The following LMX1A variants were observed in gnomAD, a reference collection of about 807,000 sequenced individuals.
The protein encoded by LMX1A is LIM homeobox transcription factor 1 alpha, also known as LIM homeobox transcription factor 1-alpha.
A neutral mutation model predicts 49.1 loss-of-function variants in LMX1A; 15 were observed. The observed-to-expected ratio is 0.31, with a 90% CI of 0.20 to 0.47. The LOEUF is 0.47. Among genes scored for constraint, LMX1A ranks in the 20% least tolerant of loss-of-function variants. The pLI is 1.00. For synonymous variants in LMX1A, 167 were observed against 185.7 expected (o/e 0.90, Z 0.82); for missense variants, 372 against 475.8 (o/e 0.78, Z 2.03).
chr1:165,244,693 A>G (rs1410279455), intron 4 of LMX1A, among the ~76,000 whole-genome samples: 1 of 152,082 alleles, frequency 6.6e-6, no homozygotes, highest in East Asian at 1.9e-4. Flanking sequence ...GAGACTGGAT[A>G]AGCATCTGAT....
intron 3 of LMX1A, among the ~76,000 whole-genome samples, chr1:165,318,891 G>T (rs1209131158): frequency 1.3e-5 from 2 of 151,990 alleles, no homozygotes; most frequent in Non-Finnish European, 2.9e-5. Flanking sequence ...TCAGAATCTT[G>T]TAACGTGGAA....
chr1:165,334,962 G>A (rs1189599830), intron 3 of LMX1A, among the ~76,000 whole-genome samples: 1 of 152,188 alleles, frequency 6.6e-6, no homozygotes, highest in Admixed American at 6.5e-5. Flanking sequence ...ATTCCCTGAT[G>A]CAGTAATTCT....
At chr1:165,243,779 T>C (rs6426906) in intron 4 of LMX1A, among the ~76,000 whole-genome samples, 152,117 of 152,362 alleles carry the variant, frequency 1, 75,936 homozygotes, top group Middle Eastern at 1. Flanking sequence ...ACCCCCAGAA[T>C]TGAAGTCAAG....
intron 3 of LMX1A, among the ~76,000 whole-genome samples, chr1:165,319,486 A>C (rs1220562726): frequency 1.3e-5 from 2 of 152,146 alleles, no homozygotes; most frequent in Non-Finnish European, 2.9e-5. Flanking sequence ...AATCTAAGGA[A>C]AAATCCAAGA....
At chr1:165,331,553 T>C (rs1219764793) in intron 3 of LMX1A, among the ~76,000 whole-genome samples, 1 of 152,194 alleles carries the variant, frequency 6.6e-6, no homozygotes. Flanking sequence ...AATAGCTTAA[T>C]GGCAGATTGG....
chr1:165,336,284 A>G (rs1181082531), intron 3 of LMX1A, among the ~76,000 whole-genome samples: 1 of 152,110 alleles, frequency 6.6e-6, no homozygotes, highest in Non-Finnish European at 1.5e-5. Flanking sequence ...AATGTGCCTA[A>G]TTAAAAGTAC....
intron 3 of LMX1A, among the ~76,000 whole-genome samples, chr1:165,273,087 C>T (rs1435096389): frequency 2.0e-5 from 3 of 152,202 alleles, no homozygotes; most frequent in African/African-American, 7.2e-5. Context: ...AAGTGCTCTC[C>T]TGGCTCAGGC....
At chr1:165,344,294 C>A (rs1368289890) in intron 3 of LMX1A, among the ~76,000 whole-genome samples, 1 of 152,210 alleles carries the variant, frequency 6.6e-6, no homozygotes, top group Non-Finnish European at 1.5e-5. Context: ...GCTATGCCTG[C>A]ATCCCTGTGA....
chr1:165,281,157 A>G (rs1234691660), intron 3 of LMX1A, among the ~76,000 whole-genome samples: 1 of 152,150 alleles, frequency 6.6e-6, no homozygotes, highest in Non-Finnish European at 1.5e-5. Flanking sequence ...CTCATTCAGG[A>G]CTGAATAGGA....
chr1:165,285,217 A>G (rs1410427288), intron 3 of LMX1A, among the ~76,000 whole-genome samples: 1 of 152,236 alleles, frequency 6.6e-6, no homozygotes, highest in Admixed American at 6.5e-5. Flanking sequence ...CCCATAGCAC[A>G]CCCAGAAGGA....
At chr1:165,242,935 A>C (rs1388814457) in intron 4 of LMX1A, among the ~76,000 whole-genome samples, 3 of 147,382 alleles carry the variant, frequency 2.0e-5, no homozygotes, top group African/African-American at 7.9e-5. Flanking sequence ...ACCTCAAAAA[A>C]AAAAAAAAAA....
chr1:165,355,127 T>A lies in LMX1A; in HGVS notation c.76+357A>T, dbSNP rs550531823. On this transcript the variant is annotated intron_variant, in intron 2 of 8. Coordinates refer to ENST00000342310, the MANE Select transcript of LMX1A (RefSeq NM_177398.4). The surrounding 1 kb of genome is among the most constrained non-coding windows in gnomAD (Gnocchi z 4.7). ...GCCTCGGGTCTCGGATGCTATTGCCTCTAGGCCGCGAGAAGAGGGCGGCAT... is the reference window on the plus strand; with the variant it reads ...GCCTCGGGTCTCGGATGCTATTGCCACTAGGCCGCGAGAAGAGGGCGGCAT... 4.6e-5 allele frequency among the ~76,000 whole-genome samples: 7 copies of A among 152,164 alleles called. No individual in the cohort carries two copies. The highest frequency in any genetic ancestry group is 3.9e-4 in the Admixed American group (6 of 15,302).
chr1:165,266,694 C>T (rs1053932748), intron 3 of LMX1A, among the ~76,000 whole-genome samples: 21 of 150,566 alleles, frequency 1.4e-4, no homozygotes, highest in African/African-American at 4.4e-4. Flanking sequence ...CTCCGCCTCC[C>T]GGGTTCACGC....
intron 3 of LMX1A, among the ~76,000 whole-genome samples, chr1:165,339,691 A>C (rs542989180): frequency 6.6e-6 from 1 of 152,310 alleles, no homozygotes; most frequent in South Asian, 2.1e-4. Flanking sequence ...CCTGTACTGC[A>C]GTGATCAGTT....
At chr1:165,351,428 A>G (rs1656423510) in intron 3 of LMX1A, among the ~76,000 whole-genome samples, 1 of 152,218 alleles carries the variant, frequency 6.6e-6, no homozygotes, top group Admixed American at 6.5e-5. Flanking sequence ...CTACCTAAAA[A>G]TTACACTTTT....
chr1:165,235,446 C>CCCCA (rs1428546207), intron 4 of LMX1A, among the ~76,000 whole-genome samples: 2 of 152,070 alleles, frequency 1.3e-5, no homozygotes, highest in East Asian at 3.9e-4. Context: ...ACAAATAAAT[C>CCCCA]CCCAGCACCT....
chr1:165,320,377 GA>G (rs1655350193), intron 3 of LMX1A, among the ~76,000 whole-genome samples: 1 of 152,190 alleles, frequency 6.6e-6, no homozygotes. Flanking sequence ...TGTTAGCTAA[GA>G]CACTAAGCAC....
chr1:165,341,548 A>G (rs1452413841), intron 3 of LMX1A, among the ~76,000 whole-genome samples: 1 of 151,526 alleles, frequency 6.6e-6, no homozygotes, highest in African/African-American at 2.4e-5. Context: ...GTCTTCCTTC[A>G]TAGAGCTTAT....
intron 4 of LMX1A, among the ~76,000 whole-genome samples, chr1:165,243,296 G>C (rs575547788): frequency 6.6e-6 from 1 of 152,194 alleles, no homozygotes; most frequent in Non-Finnish European, 1.5e-5. Flanking sequence ...AAGAGGGGTA[G>C]ATAAGTAAGA....
Sources: gnomAD v4.1 joint callset for allele counts (sites outside exome capture counted in the v4.1 genomes callset) on GRCh38, gnomAD v4.1.1 for gene constraint, Gnocchi (gnomAD v3.1) non-coding constraint, MANE v1.5 for transcripts, NCBI Gene and HGNC (gene_info 2026-07-23, HGNC 2026-07-21) for gene names.